The following MTHFD1 variants were observed in gnomAD, a reference collection of about 807,000 sequenced individuals.
The protein encoded by MTHFD1 is methylenetetrahydrofolate dehydrogenase, cyclohydrolase and formyltetrahydrofolate synthetase 1.
Under a neutral mutation model 110.3 loss-of-function variants are expected in MTHFD1, and 44 were observed. That is an observed-to-expected ratio of 0.40 (90% CI 0.31 to 0.51). The LOEUF (loss-of-function observed/expected upper bound fraction) is 0.51. Ranked by LOEUF, MTHFD1 falls within the 20% of genes least tolerant of loss-of-function variation. MTHFD1 has a pLI of 0.60. For synonymous variants in MTHFD1, 402 were observed against 428.8 expected (o/e 0.94, Z 0.77); for missense variants, 909 against 1,173.1 (o/e 0.77, Z 3.29).
chr14:64,444,177 G>C (rs1291019387), intron 21 of MTHFD1, among the ~76,000 whole-genome samples: 1 of 152,168 alleles, frequency 6.6e-6, no homozygotes, highest in Non-Finnish European at 1.5e-5. Flanking sequence ...AAAAGAGAAA[G>C]AAAATCCTTC....
chr14:64,412,580 G>C, intron 4 of MTHFD1, 55 bp downstream of exon 4: 8 of 1,426,352 alleles, frequency 5.6e-6, no homozygotes, highest in Admixed American at 3.4e-5. Flanking sequence ...TTCCTCTCTG[G>C]TTTTGGTTTA....
chr14:64,391,171 C>A (rs960816349), intron 1 of MTHFD1, among the ~76,000 whole-genome samples: 1 of 151,856 alleles, frequency 6.6e-6, no homozygotes, highest in Non-Finnish European at 1.5e-5. Flanking sequence ...TTCTTTCTTT[C>A]TTTTTATTTT....
intron 8 of MTHFD1, among the ~76,000 whole-genome samples, chr14:64,423,765 T>C (rs1454715269): frequency 2.6e-5 from 4 of 151,646 alleles, no homozygotes; most frequent in Non-Finnish European, 5.9e-5. Context: ...CTCGCTCTGT[T>C]GCCCAGGCTG....
At chr14:64,402,806 C>CA (rs59743260) in intron 2 of MTHFD1, among the ~76,000 whole-genome samples, 137,298 of 149,094 alleles carry the variant, frequency 0.92, 63,453 homozygotes, top group Middle Eastern at 0.98. Flanking sequence ...GATCCTGTCT[C>CA]AAAAAAAAAT....
At position 64,449,602 on chromosome 14, in the gene MTHFD1, C is replaced by T; in HGVS notation, c.2437C>T (p.Gln813Ter). Reference sequence around the variant, plus strand: ...AGCAGCACAAGCACCCAGCAGCTTCCAGCTCCTTTATGACCTCAAGGTGGG... The same window carrying T: ...AGCAGCACAAGCACCCAGCAGCTTCTAGCTCCTTTATGACCTCAAGGTGGG... ...QRAAQAPSSF[Q>*]LLYDLKLPVE... Residue 813 changes from glutamine to a stop codon, truncating the protein, a stop_gained, in exon 24 of 28, where the codon CAG (glutamine) becomes TAG (stop). Transcript: ENST00000652337. LOFTEE classifies it high-confidence loss of function. The T allele has an allele frequency of 6.2e-7, 1 of 1,614,142 alleles. No homozygotes were observed. The highest frequency in any genetic ancestry group is 8.5e-7 in the Non-Finnish European group (1 of 1,180,034).
intron 2 of MTHFD1, among the ~76,000 whole-genome samples, chr14:64,407,305 A>T (rs1168312929): frequency 6.6e-6 from 1 of 152,030 alleles, no homozygotes; most frequent in Non-Finnish European, 1.5e-5. Flanking sequence ...GTCTCCAAAA[A>T]AATACAAAAA....
chr14:64,408,644 A>G (rs2077957675), intron 2 of MTHFD1, among the ~76,000 whole-genome samples: 1 of 152,070 alleles, frequency 6.6e-6, no homozygotes, highest in South Asian at 2.1e-4. Context: ...TGGTTCTATA[A>G]CCACTTTCCC....
At chr14:64,435,191 T>G (rs2078196337) in intron 15 of MTHFD1, among the ~76,000 whole-genome samples, 1 of 151,950 alleles carries the variant, frequency 6.6e-6, no homozygotes, top group Non-Finnish European at 1.5e-5. Flanking sequence ...CCTCAGGTGA[T>G]CTGCCCATCT....
chr14:64,388,866 A>G (rs2077783883), intron 1 of MTHFD1: 1 of 341,080 alleles, frequency 2.9e-6, no homozygotes, highest in Non-Finnish European at 5.5e-6. Context: ...AAGGCTTGAC[A>G]AGACTACAAG....
chr14:64,411,895 C>T (rs2077988269), intron 3 of MTHFD1, among the ~76,000 whole-genome samples: 1 of 151,394 alleles, frequency 6.6e-6, no homozygotes, highest in Non-Finnish European at 1.5e-5. Context: ...GAGTGAAGCT[C>T]CAACCAGAAA....
intron 23 of MTHFD1, among the ~76,000 whole-genome samples, chr14:64,448,756 G>T (rs1309152593): frequency 6.6e-6 from 1 of 151,784 alleles, no homozygotes; most frequent in Non-Finnish European, 1.5e-5. Context: ...GGTGGTCAGG[G>T]TTTTGTTATA....
chr14:64,447,322 A>G (rs2140979733), intron 22 of MTHFD1, among the ~76,000 whole-genome samples: 1 of 150,584 alleles, frequency 6.6e-6, no homozygotes, highest in African/African-American at 2.4e-5. Flanking sequence ...CACCTAGTTA[A>G]TTTTTATATT....
chr14:64,408,517 G>T (rs1231251093), intron 2 of MTHFD1, among the ~76,000 whole-genome samples: 2 of 152,182 alleles, frequency 1.3e-5, no homozygotes, highest in African/African-American at 4.8e-5. Flanking sequence ...TCGAACTCCT[G>T]ACCTTAGGTG....
intron 1 of MTHFD1, chr14:64,390,240 C>G (rs1332723358): frequency 6.6e-6 from 1 of 151,752 alleles, no homozygotes. Flanking sequence ...TTCTTCCTGG[C>G]ACATAATAAG....
chr14:64,426,176 T>C lies in MTHFD1; in HGVS notation c.1111T>C (p.Tyr371His), dbSNP rs200300930. The change falls in exon 11 of 28, where the codon TAC becomes CAC. Residue 371 changes from tyrosine (Y) to histidine (H), a missense_variant. By Grantham distance (83) the Tyr-to-His change is moderately conservative (BLOSUM62 2). Coordinates refer to ENST00000652337, the MANE Select transcript of MTHFD1 (RefSeq NM_005956.4). Reference sequence around the variant, plus strand: ...CCTGAAGCACCGGCCTGATGGGAAATACGTGGTGGTGACTGGGTATGCTTT... The same window carrying C: ...CCTGAAGCACCGGCCTGATGGGAAACACGTGGTGGTGACTGGGTATGCTTT... ...ERLKHRPDGK[Y>H]VVVTGITPTP... 21 of 1,614,044 alleles carry C rather than the reference T, an allele frequency of 1.3e-5. No individual in the cohort carries two copies. Among genetic ancestry groups the C allele is most frequent in the Non-Finnish European group, 6.8e-6 (8 of 1,180,034 alleles).
chr14:64,400,720 C>T (rs546061278), intron 1 of MTHFD1, 73 bp from the exon 2 acceptor site: 13 of 948,742 alleles, frequency 1.4e-5, no homozygotes, highest in Non-Finnish European at 2.0e-5. Context: ...AAGAGAAATA[C>T]ATCTAATAAT....
intron 4 of MTHFD1, among the ~76,000 whole-genome samples, 198 bp from the exon 5 acceptor site, chr14:64,415,160 T>A (rs2078015376): frequency 6.6e-6 from 1 of 152,158 alleles, no homozygotes; most frequent in Non-Finnish European, 1.5e-5. Flanking sequence ...TTGATGGACT[T>A]CTTACCAGAC....
chr14:64,397,247 C>CTT lies in MTHFD1; in HGVS notation c.42-3535_42-3534dup, dbSNP rs71123844. On this transcript the variant is annotated intron_variant, in intron 1 of 27. Coordinates refer to ENST00000652337, the MANE Select transcript of MTHFD1 (RefSeq NM_005956.4). ...AATTGTGTCCTTGTTTAGAAGAAGA[C>CTT]TTTTTTTTTTTTAGAAGAAGCCCTG... Among the ~76,000 whole-genome samples, 354 of 99,138 alleles carry CTT rather than the reference C, an allele frequency of 3.6e-3. 10 individuals carry two copies. The highest frequency in any genetic ancestry group is 0.012 in the African/African-American group (282 of 24,062). 65.0% of individuals were successfully genotyped at this position (99,138 alleles called of 152,430 possible).
At chr14:64,450,808 A>G (rs1450476276) in intron 24 of MTHFD1, among the ~76,000 whole-genome samples, 2 of 151,822 alleles carry the variant, frequency 1.3e-5, no homozygotes, top group Non-Finnish European at 2.9e-5. Context: ...CCTGGACCCA[A>G]GTGGTCCTCC....
Sources: gnomAD v4.1 joint callset for allele counts (sites outside exome capture counted in the v4.1 genomes callset) on GRCh38, gnomAD v4.1.1 for gene constraint, MANE v1.5 for transcripts, NCBI Gene and HGNC (gene_info 2026-07-23, HGNC 2026-07-21) for gene names.